The following SPTB variants were observed in gnomAD, a reference collection of about 807,000 sequenced individuals.
SPTB encodes the protein spectrin beta chain, erythrocytic.
In SPTB, 45 loss-of-function variants were observed where a neutral mutation model predicts 256.2. The ratio of observed to expected loss-of-function variants is 0.18; its 90% CI spans 0.14 to 0.23. SPTB has a LOEUF of 0.23. SPTB is among the 10% of genes least tolerant of loss of function. The pLI is 1.00. For synonymous variants in SPTB, 1,231 were observed against 1,243.1 expected, an observed-to-expected ratio of 0.99 and a Z score of 0.21; for missense variants, 2,715 against 3,040.4, an observed-to-expected ratio of 0.89 and a Z score of 2.52.
At chr14:64,773,081 G>A in intron 25 of SPTB, 127 bp from the exon 26 acceptor site, 1 of 1,554,818 alleles carries the variant, frequency 6.4e-7, no homozygotes, top group Non-Finnish European at 8.7e-7. Flanking sequence ...ACCTTCCCCA[G>A]GGCAGGCCTG....
At position 64,841,883 on chromosome 14, in the gene SPTB, C is replaced by T. The variant is rs888412311; in HGVS notation, c.-51-18738G>A. ...CCCAAGGTGTTGCAGTTTGATAACG[C>T]TCTCCTCATATCTGTTAAAGAGCGC... is the stretch of plus-strand genomic sequence containing the variant. On this transcript the variant is annotated intron_variant, in intron 1 of 35. Transcript: ENST00000644917. The surrounding 1 kb of genome is among the most constrained non-coding windows in gnomAD (Gnocchi z 4.6). Among the ~76,000 whole-genome samples, 18 of 152,182 alleles carry T rather than the reference C, an allele frequency of 1.2e-4. No individual in the cohort carries two copies. Among genetic ancestry groups the T allele is most frequent in the Non-Finnish European group, 2.4e-4 (16 of 68,034 alleles).
rs374397691 is a variant in SPTB at position 64,752,288 on chromosome 14, C to CCTCCT, written c.6602+1244_6602+1248dup. On this transcript the variant is annotated intron_variant, in intron 33 of 35. Transcript: ENST00000644917. ...CCTCTTCATCCTCCTCTTCTGTCTC[C>CCTCCT]CTCCTCTCCTCTCCCTCTTCTCCCT... The CCTCCT allele has an allele frequency of 1.4e-3, 1,873 of 1,317,394 alleles. 62 individuals carry two copies. In the East Asian group the frequency reaches 0.071, roughly 50 times the overall value. 81.6% of individuals were successfully genotyped at this position (1,317,394 alleles called of 1,614,324 possible).
At position 64,792,707 on chromosome 14, in the gene SPTB, C is replaced by T. The variant is rs1202018145; in HGVS notation, c.2666+290G>A. ...TTTTCCTCTGTGTGACCTGGGGGTT[C>T]CATACACAATTCATCTGAGCAAAGA... On this transcript the variant is annotated intron_variant, in intron 14 of 35. Transcript: ENST00000644917. The surrounding 1 kb of genome is among the most constrained non-coding windows in gnomAD (Gnocchi z 4.2). Among the ~76,000 whole-genome samples, 3 of 152,134 alleles carry T rather than the reference C, an allele frequency of 2.0e-5. No individual in the cohort carries two copies. The highest frequency in any genetic ancestry group is 7.2e-5 in the African/African-American group (3 of 41,426).
intron 32 of SPTB, 48 bp downstream of exon 32, chr14:64,766,678 T>G (rs1431611234): frequency 6.2e-7 from 1 of 1,613,230 alleles, no homozygotes; most frequent in Admixed American, 1.7e-5. Flanking sequence ...GAGAGGGCTC[T>G]GGCTGCAGTG....
At chr14:64,822,800 C>T in intron 2 of SPTB, 147 bp downstream of exon 2, 1 of 1,265,860 alleles carries the variant, frequency 7.9e-7, no homozygotes, top group Non-Finnish European at 1.1e-6. Context: ...AAGGGGACCC[C>T]CACCTCCCTG....
intron 8 of SPTB, among the ~76,000 whole-genome samples, 157 bp downstream of exon 8, chr14:64,800,599 C>T (rs2082864660): frequency 6.6e-6 from 1 of 152,190 alleles, no homozygotes. Flanking sequence ...TGGAATTCAG[C>T]TCAGGAGCCA....
chr14:64,776,843 T>C (rs760108525), intron 22 of SPTB, among the ~76,000 whole-genome samples: 1 of 152,216 alleles, frequency 6.6e-6, no homozygotes, highest in African/African-American at 2.4e-5. Context: ...TCAACAACTA[T>C]GTATTAAGTT....
chr14:64,793,031 C>G lies in SPTB; in HGVS notation c.2632G>C (p.Asp878His). The change falls in exon 14 of 36, where the codon GAC becomes CAC. Residue 878 changes from aspartate (D) to histidine (H), a missense_variant. Physicochemically the swap from Asp to His is moderately conservative, Grantham distance 81. Coordinates refer to ENST00000644917, the MANE Select transcript of SPTB (RefSeq NM_001355436.2). This position sits in a 1 kb window ranked among gnomAD's most constrained non-coding sequence, Gnocchi z 7.0. ...ACGACCTCCAGGTCCTCCAGGGTGT[C>G]TGGCATTTCCATCTCGGCCAGCCAC... ...EKWLAEMEMP[D>H]TLEDLEVVQH... 6.2e-7 allele frequency: 1 copy of G among 1,614,002 alleles called. No individual in the cohort carries two copies. Among genetic ancestry groups the G allele is most frequent in the Non-Finnish European group, 8.5e-7 (1 of 1,180,032 alleles).
At position 64,787,052 on chromosome 14, in the gene SPTB, C is replaced by T. The variant is rs773713336; in HGVS notation, c.2913G>A (p.Thr971=). The change falls in exon 16 of 36, where the codon ACG becomes ACA. Residue 971 remains threonine (T), a synonymous_variant. Coordinates refer to ENST00000644917, the MANE Select transcript of SPTB (RefSeq NM_001355436.2). ...TGGACTCCACTACCTTTGTCTTGTC[C>T]GTGATCCACTTGCTGGTCTCCTCGC... ...VDCEETSKWI[T]DKTKVVESTK... 16 of 1,613,816 alleles carry T rather than the reference C, an allele frequency of 9.9e-6. No individual in the cohort carries two copies. The highest frequency in any genetic ancestry group is 6.7e-5 in the East Asian group (3 of 44,894).
In SPTB at chr14:64,816,563, T is replaced by C. The variant is rs917870029; in HGVS notation, c.148+6384A>G. Among the ~76,000 whole-genome samples the C allele has an allele frequency of 6.6e-6, 1 of 152,220 alleles. No individual in the cohort carries two copies. Among genetic ancestry groups the C allele is most frequent in the African/African-American group, 2.4e-5 (1 of 41,454 alleles). On this transcript the variant is annotated intron_variant, in intron 2 of 35. Coordinates refer to ENST00000644917, the MANE Select transcript of SPTB (RefSeq NM_001355436.2). This position sits in a 1 kb window ranked among gnomAD's most constrained non-coding sequence, Gnocchi z 4.2. ...ATAGCAAATTTGTCATAATTTGCTA[T>C]GCACGTGTGTCTATGCACATAGACA...
rs578047148 is a variant in SPTB at position 64,749,776 on chromosome 14, T to C, written c.6777-80A>G. On this transcript the variant is annotated intron_variant, in intron 34 of 35. Transcript: ENST00000644917. The surrounding 1 kb of genome is among the most constrained non-coding windows in gnomAD (Gnocchi z 4.7). ...CAGAGGGCTGGCTCTGATCCCACAATACCCTGAGCCGAACATCCAGACCCC... is the reference window on the plus strand; with the variant it reads ...CAGAGGGCTGGCTCTGATCCCACAACACCCTGAGCCGAACATCCAGACCCC... 2.1e-4 allele frequency: 335 copies of C among 1,559,372 alleles called. No homozygotes were observed. Among genetic ancestry groups the C allele is most frequent in the Non-Finnish European group, 2.8e-4 (323 of 1,141,986 alleles).
chr14:64,772,637 C>T lies in SPTB; in HGVS notation c.5496G>A (p.Glu1832=). The change falls in exon 26 of 36, where the codon GAG becomes GAA. Residue 1832 remains glutamate (E), a synonymous_variant. Coordinates refer to ENST00000644917, the MANE Select transcript of SPTB (RefSeq NM_001355436.2). This position sits in a 1 kb window ranked among gnomAD's most constrained non-coding sequence, Gnocchi z 5.4. ...AGGCTGTGTGCACCCGGTGGAAGGA[C>T]TCGGCCGTGCTGGCGTCCAGCCCCA... ...EDVGLDASTA[E]SFHRVHTAFE... is the part of the protein sequence containing the mutation. The T allele has an allele frequency of 6.2e-7, 1 of 1,612,928 alleles. No homozygotes were observed. Among genetic ancestry groups the T allele is most frequent in the Non-Finnish European group, 8.5e-7 (1 of 1,179,828 alleles).
chr14:64,862,661 G>T (rs1881918603), intron 1 of SPTB, among the ~76,000 whole-genome samples: 1 of 151,910 alleles, frequency 6.6e-6, no homozygotes, highest in Non-Finnish European at 1.5e-5. Context: ...ATAACCTGAG[G>T]TCAGGAGTTC....
chr14:64,842,214 T>G (rs1254305029), intron 1 of SPTB, among the ~76,000 whole-genome samples: 1 of 152,212 alleles, frequency 6.6e-6, no homozygotes, highest in Non-Finnish European at 1.5e-5. Context: ...AAGTGAGTGG[T>G]CATTGCTAAA....
intron 13 of SPTB, among the ~76,000 whole-genome samples, chr14:64,794,115 A>G (rs1287381597): frequency 6.6e-6 from 1 of 152,236 alleles, no homozygotes; most frequent in South Asian, 2.1e-4. Flanking sequence ...TGTACAACAT[A>G]AAATTATTTT....
At chr14:64,787,236 C>T (rs2082588712) in intron 15 of SPTB, 76 bp from the exon 16 acceptor site, 3 of 1,569,530 alleles carry the variant, frequency 1.9e-6, no homozygotes, top group African/African-American at 1.3e-5. Context: ...AGACCCTGAC[C>T]CCTTCCCACA....
At chr14:64,766,912 C>T (rs759822667) in intron 31 of SPTB, 111 bp from the exon 32 acceptor site, 48 of 1,345,344 alleles carry the variant, frequency 3.6e-5, no homozygotes, top group Middle Eastern at 4.7e-4. Flanking sequence ...AAATAGCTCC[C>T]CCTCCAGTCA....
chr14:64,848,557 A>C (rs1394999027), intron 1 of SPTB, among the ~76,000 whole-genome samples: 1 of 152,230 alleles, frequency 6.6e-6, no homozygotes, highest in Non-Finnish European at 1.5e-5. Context: ...TTCAATTTTC[A>C]TCAATATTGT....
intron 1 of SPTB, among the ~76,000 whole-genome samples, chr14:64,846,074 C>A (rs1231227332): frequency 2.0e-5 from 3 of 152,218 alleles, no homozygotes; most frequent in African/African-American, 7.2e-5. Flanking sequence ...TGTATCACCC[C>A]TGTGATCAGG....
Sources: allele counts gnomAD v4.1 joint callset (sites outside exome capture counted in the v4.1 genomes callset), GRCh38; gene constraint gnomAD v4.1.1; non-coding constraint Gnocchi (gnomAD v3.1); transcripts MANE v1.5; gene names NCBI Gene and HGNC (gene_info 2026-07-23, HGNC 2026-07-21).